Variants in TINAG observed in about 807,000 individuals in gnomAD.
TINAG encodes the protein tubulointerstitial nephritis antigen.
TINAG carries 83 observed loss-of-function variants against 72.7 expected under a neutral mutation model. The ratio of observed to expected loss-of-function variants is 1.14; its 90% CI spans 0.96 to 1.37. The LOEUF (loss-of-function observed/expected upper bound fraction) is 1.37, where lower values mean the gene tolerates loss of function less well. Among genes scored for constraint, TINAG ranks in the 40% most tolerant of loss-of-function variants. The probability of loss-of-function intolerance (pLI) is 0.00; values close to 1 mark genes in which losing one functional copy is unlikely to be tolerated. For missense variants in TINAG, 685 were observed against 576.6 expected (o/e 1.19, Z -1.93); for synonymous variants, 234 against 189.9 (o/e 1.23, Z -1.91).
At chr6:54,336,614 A>C (rs1383558992) in intron 4 of TINAG, among the ~76,000 whole-genome samples, 2 of 152,186 alleles carry the variant, frequency 1.3e-5, no homozygotes, top group African/African-American at 4.8e-5. Flanking sequence ...TTTCACATAG[A>C]AATGTGAAAA....
At chr6:54,310,108 A>T (rs376424241) in intron 1 of TINAG, among the ~76,000 whole-genome samples, 2,760 of 37,140 alleles carry the variant, frequency 0.074, 80 homozygotes, top group African/African-American at 0.19. Context: ...TGTGTGTGTG[A>T]GTCTTGCTCT....
intron 9 of TINAG, among the ~76,000 whole-genome samples, chr6:54,372,905 A>C (rs890868622): frequency 3.9e-5 from 6 of 151,926 alleles, no homozygotes; most frequent in African/African-American, 1.4e-4. Flanking sequence ...TGATTACTTC[A>C]ATAAGACCAA....
intron 9 of TINAG, among the ~76,000 whole-genome samples, chr6:54,372,769 T>TATAC (rs1213287972): frequency 7.6e-6 from 1 of 131,972 alleles, no homozygotes; most frequent in African/African-American, 2.7e-5. Context: ...TATATATATA[T>TATAC]ATACACACAC....
At chr6:54,356,444 C>T (rs956516717) in intron 9 of TINAG, among the ~76,000 whole-genome samples, 1 of 151,620 alleles carries the variant, frequency 6.6e-6, no homozygotes, top group East Asian at 2.0e-4. Flanking sequence ...GGCTGAGGCA[C>T]GAGAATCGCT....
At chr6:54,370,115 G>A (rs760980186) in intron 9 of TINAG, 7 of 152,008 alleles carry the variant, frequency 4.6e-5, no homozygotes. Context: ...AATGCCCAGT[G>A]AAGTCTGAAG....
At chr6:54,351,034 A>G (rs1189641323) in intron 7 of TINAG, among the ~76,000 whole-genome samples, 2 of 151,972 alleles carry the variant, frequency 1.3e-5, no homozygotes, top group African/African-American at 4.8e-5. Flanking sequence ...ATCATTTGGG[A>G]TATCTCTTGT....
chr6:54,352,341 A>T (rs1785285232), intron 8 of TINAG, among the ~76,000 whole-genome samples: 1 of 151,844 alleles, frequency 6.6e-6, no homozygotes, highest in African/African-American at 2.4e-5. Flanking sequence ...GTGTTGGATG[A>T]ATTTTTATTG....
chr6:54,326,049 A>G (rs1297796859), intron 3 of TINAG, among the ~76,000 whole-genome samples: 1 of 152,138 alleles, frequency 6.6e-6, no homozygotes, highest in African/African-American at 2.4e-5. Flanking sequence ...AGAATAGGCA[A>G]TGATTAAATT....
At chr6:54,327,172 T>A (rs1848440) in intron 4 of TINAG, 1,069,654 of 1,544,864 alleles carry the variant, frequency 0.69, 372,271 homozygotes, top group East Asian at 0.83. Flanking sequence ...AGATGGCCGA[T>A]CAAGAACAGC....
At position 54,365,912 on chromosome 6, in the gene TINAG, A is replaced by G. The variant is rs546864157; in HGVS notation, c.1250+11276A>G. On this transcript the variant is annotated intron_variant, in intron 9 of 10. Transcript: ENST00000259782. Reference sequence around the variant, plus strand: ...AGGTGCAATGGTGTGTGTCTGTAGTACCAGCTACTTAGGAAGCTGAGGCAA... The same window carrying G: ...AGGTGCAATGGTGTGTGTCTGTAGTGCCAGCTACTTAGGAAGCTGAGGCAA... Among the ~76,000 whole-genome samples, 320 of 151,656 alleles carry G rather than the reference A, an allele frequency of 2.1e-3. 2 individuals carry two copies. Among genetic ancestry groups the G allele is most frequent in the Non-Finnish European group, 1.6e-3 (105 of 67,666 alleles).
chr6:54,380,624 C>T (rs768089796), intron 10 of TINAG, 53 bp downstream of exon 10: 1 of 1,431,638 alleles, frequency 7.0e-7, no homozygotes, highest in East Asian at 2.3e-5. Context: ...ATGTTCAAAT[C>T]TTCTGTTCCT....
chr6:54,351,260 G>T (rs969429204), intron 7 of TINAG, 92 bp from the exon 8 acceptor site: 2 of 1,137,748 alleles, frequency 1.8e-6, no homozygotes, highest in African/African-American at 3.1e-5. Context: ...ACAATTGAGA[G>T]TAAATTGCAA....
chr6:54,363,635 A>C (rs925641874), intron 9 of TINAG, among the ~76,000 whole-genome samples: 3 of 149,372 alleles, frequency 2.0e-5, no homozygotes, highest in African/African-American at 4.9e-5. Context: ...AAAAAAAAAA[A>C]CAGGCAGATT....
At chr6:54,346,090 A>T (rs980880167) in intron 5 of TINAG, among the ~76,000 whole-genome samples, 1 of 152,056 alleles carries the variant, frequency 6.6e-6, no homozygotes, top group Non-Finnish European at 1.5e-5. Flanking sequence ...GATATTCAAT[A>T]AAAAAGTCTG....
At chr6:54,314,174 G>A (rs537475416) in intron 1 of TINAG, among the ~76,000 whole-genome samples, 39 of 152,278 alleles carry the variant, frequency 2.6e-4, no homozygotes, top group African/African-American at 9.1e-4. Flanking sequence ...ATAAGAACAT[G>A]TCAGATTGGT....
chr6:54,368,784 T>G (rs1338791123), intron 9 of TINAG, among the ~76,000 whole-genome samples: 1 of 151,724 alleles, frequency 6.6e-6, no homozygotes, highest in Non-Finnish European at 1.5e-5. Context: ...TTGAATTTTT[T>G]TAACTAATAA....
intron 4 of TINAG, among the ~76,000 whole-genome samples, chr6:54,330,835 C>A (rs538947606): frequency 6.6e-6 from 1 of 152,224 alleles, no homozygotes; most frequent in African/African-American, 2.4e-5. Flanking sequence ...CACCTCTATG[C>A]AAATAAACTA....
chr6:54,317,124 A>G (rs1451809500), intron 1 of TINAG, among the ~76,000 whole-genome samples: 2 of 152,028 alleles, frequency 1.3e-5, no homozygotes, highest in Non-Finnish European at 2.9e-5. Context: ...ATAGTTTTCA[A>G]CCTACCTCCA....
intron 4 of TINAG, among the ~76,000 whole-genome samples, chr6:54,334,138 G>A (rs886859358): frequency 1.3e-5 from 2 of 152,154 alleles, no homozygotes. Flanking sequence ...ACCACCCAAT[G>A]TGTGGTGTTC....
Sources: gnomAD v4.1 joint callset for allele counts (sites outside exome capture counted in the v4.1 genomes callset) on GRCh38, gnomAD v4.1.1 for gene constraint, MANE v1.5 for transcripts, NCBI Gene and HGNC (gene_info 2026-07-23, HGNC 2026-07-21) for gene names.